Variants in SNTG1 observed in about 807,000 individuals in gnomAD.
SNTG1 encodes gamma-1-syntrophin.
A neutral mutation model predicts 74.7 loss-of-function variants in SNTG1; 39 were observed. The observed-to-expected ratio is 0.52, with a 90% CI of 0.40 to 0.68. The LOEUF (loss-of-function observed/expected upper bound fraction) is 0.68. Among genes scored for constraint, SNTG1 ranks in the 30% least tolerant of loss-of-function variants. The probability of loss-of-function intolerance (pLI) is 0.00; values close to 1 mark genes in which losing one functional copy is unlikely to be tolerated. For synonymous variants in SNTG1, 254 were observed against 217.1 expected (o/e 1.17, Z -1.49); for missense variants, 685 against 609.5 (o/e 1.12, Z -1.30).
chr8:50,178,912 G>C (rs2083100763), intron 2 of SNTG1, among the ~76,000 whole-genome samples: 1 of 152,020 alleles, frequency 6.6e-6, no homozygotes, highest in Admixed American at 6.5e-5. Context: ...AATAATTATT[G>C]CTAAGACCAA....
chr8:50,762,844 C>T (rs960399668), intron 18 of SNTG1: 16 of 377,440 alleles, frequency 4.2e-5, no homozygotes, highest in Admixed American at 8.3e-5. Context: ...GTTCCTGCTC[C>T]GAAGCCAGAC....
chr8:50,117,129 T>C (rs1268570760), intron 1 of SNTG1, among the ~76,000 whole-genome samples: 6 of 152,014 alleles, frequency 3.9e-5, no homozygotes, highest in Admixed American at 3.9e-4. Flanking sequence ...CCGTTCTTTC[T>C]GCTTGAAAAA....
rs1349498944 is a variant in SNTG1, at chr8:50,122,468, AG to A, written c.-102-50092del. 4.2e-5 allele frequency among the ~76,000 whole-genome samples: 6 copies of A among 141,598 alleles called. 1 individual carries two copies. Among genetic ancestry groups the A allele is most frequent in the African/African-American group, 1.5e-4 (6 of 39,104 alleles). The allele number at this position is 141,598 out of a possible 152,430, so 92.9% of individuals were successfully genotyped here. A position where few individuals can be genotyped will look rare whatever the true frequency, so the allele number is the denominator to read the frequency against. On this transcript the variant is annotated intron_variant, in intron 1 of 18. Transcript: ENST00000642720. ...CTGCACAAGAAGTAGGTCAAAAAAA[AG>A]CTGTGACTGCACTCAGCCCTTTGGA...
intron 2 of SNTG1, among the ~76,000 whole-genome samples, chr8:50,350,269 C>T (rs531503905): frequency 1.6e-4 from 24 of 152,254 alleles, no homozygotes; most frequent in African/African-American, 5.5e-4. Flanking sequence ...CACCGGAGCC[C>T]AGTCCCACCG....
At chr8:50,418,433 A>G (rs2093040359) in intron 4 of SNTG1, among the ~76,000 whole-genome samples, 1 of 151,810 alleles carries the variant, frequency 6.6e-6, no homozygotes, top group South Asian at 2.1e-4. Flanking sequence ...TCTTTTCTTC[A>G]TTTCCATCTA....
intron 13 of SNTG1, among the ~76,000 whole-genome samples, chr8:50,617,225 G>C (rs1053152051): frequency 2.0e-5 from 3 of 152,062 alleles, no homozygotes; most frequent in Non-Finnish European, 2.9e-5. Context: ...AGCTTGGAAG[G>C]GAAGGAACCT....
At chr8:50,547,325 C>A (rs2094395355) in intron 11 of SNTG1, among the ~76,000 whole-genome samples, 1 of 152,056 alleles carries the variant, frequency 6.6e-6, no homozygotes, top group African/African-American at 2.4e-5. Context: ...CCATTAAGAC[C>A]CTCTCCATAA....
At position 50,551,975 on chromosome 8, in the gene SNTG1, G is replaced by T. The variant is rs1038190798; in HGVS notation, c.681-1075G>T. ...ACCTGAGCCAGACATGCTCTATGGG[G>T]TTTTCTTTGTTTGGGGAATAAACTC... On this transcript the variant is annotated intron_variant, in intron 11 of 18. Transcript: ENST00000642720. 4.6e-5 allele frequency among the ~76,000 whole-genome samples: 7 copies of T among 152,080 alleles called. No individual in the cohort carries two copies. The South Asian group carries it at 8.3e-4, about 18-fold the overall frequency.
intron 10 of SNTG1, among the ~76,000 whole-genome samples, 169 bp downstream of exon 10, chr8:50,530,428 A>AT (rs33960420): frequency 5.3e-5 from 8 of 151,972 alleles, no homozygotes; most frequent in Admixed American, 2.6e-4. Context: ...TTCTTATGCC[A>AT]TTTTTTTCCC....
chr8:49,938,598 T>TTTC (rs1475612119), intron 1 of SNTG1, among the ~76,000 whole-genome samples: 411 of 12,676 alleles, frequency 0.032, 17 homozygotes, highest in African/African-American at 0.067. Context: ...TTTTCTTTTC[T>TTTC]TTTCTTTTCT....
chr8:50,581,176 G>A (rs901545111), intron 12 of SNTG1, among the ~76,000 whole-genome samples: 10 of 152,176 alleles, frequency 6.6e-5, no homozygotes, highest in East Asian at 1.9e-4. Context: ...ATAAGAATGT[G>A]CACTTGCATT....
At chr8:50,026,267 G>T (rs1817253398) in intron 1 of SNTG1, among the ~76,000 whole-genome samples, 1 of 152,154 alleles carries the variant, frequency 6.6e-6, no homozygotes, top group Non-Finnish European at 1.5e-5. Context: ...CTTTAGAAAT[G>T]TGCAGAGGGT....
intron 1 of SNTG1, among the ~76,000 whole-genome samples, chr8:50,094,018 T>C (rs1005223171): frequency 6.6e-6 from 1 of 152,196 alleles, no homozygotes; most frequent in Non-Finnish European, 1.5e-5. Flanking sequence ...TTCATTTATG[T>C]ATATATTTTA....
chr8:50,689,367 G>A (rs570535423), intron 15 of SNTG1, among the ~76,000 whole-genome samples: 106 of 151,974 alleles, frequency 7.0e-4, no homozygotes, highest in Non-Finnish European at 1.4e-3. Flanking sequence ...TGCCCATTCA[G>A]TATATTGGCT....
chr8:50,307,892 G>T (rs1312842051), intron 2 of SNTG1, among the ~76,000 whole-genome samples: 1 of 152,096 alleles, frequency 6.6e-6, no homozygotes, highest in Non-Finnish European at 1.5e-5. Context: ...CTGTTGCCCT[G>T]TGAATTGTTT....
chr8:50,507,966 G>A (rs144848760), intron 9 of SNTG1, among the ~76,000 whole-genome samples: 5,653 of 150,474 alleles, frequency 0.038, 361 homozygotes, highest in African/African-American at 0.13. Flanking sequence ...TGTACACAAC[G>A]TGCAGGTTAG....
chr8:49,966,029 G>T (rs1811104221), intron 1 of SNTG1, among the ~76,000 whole-genome samples: 1 of 151,900 alleles, frequency 6.6e-6, no homozygotes, highest in African/African-American at 2.4e-5. Flanking sequence ...ATGACTTTTT[G>T]CTGCAAGTAT....
intron 2 of SNTG1, among the ~76,000 whole-genome samples, chr8:50,375,024 G>T (rs2092347299): frequency 1.3e-5 from 2 of 152,174 alleles, no homozygotes; most frequent in Admixed American, 1.3e-4. Flanking sequence ...ATTGCAGAGT[G>T]AATGTCTGCC....
chr8:49,991,685 T>A (rs1813705230), intron 1 of SNTG1, among the ~76,000 whole-genome samples: 2 of 152,210 alleles, frequency 1.3e-5, no homozygotes, highest in African/African-American at 4.8e-5. Flanking sequence ...AACATTACGC[T>A]ATTGAAATAA....
Sources: allele counts gnomAD v4.1 joint callset (sites outside exome capture counted in the v4.1 genomes callset), GRCh38; gene constraint gnomAD v4.1.1; transcripts MANE v1.5; gene names NCBI Gene and HGNC (gene_info 2026-07-23, HGNC 2026-07-21).